PIKFYVE: variants seen among roughly 807,000 people sequenced by gnomAD.
PIKFYVE encodes phosphoinositide kinase, FYVE-type zinc finger containing, also known as 1-phosphatidylinositol 3-phosphate 5-kinase.
PIKFYVE carries 122 observed loss-of-function variants against 257.9 expected under a neutral mutation model. That is an observed-to-expected ratio of 0.47 (90% confidence interval 0.41 to 0.55). The LOEUF is 0.55. Ranked by LOEUF, PIKFYVE falls within the 20% of genes least tolerant of loss-of-function variation. PIKFYVE has a pLI of 0.00. For missense variants in PIKFYVE, 2,160 were observed against 2,536.6 expected (o/e 0.85, Z 3.19); for synonymous variants, 892 against 868.9 (o/e 1.03, Z -0.47).
In PIKFYVE at chr2:208,339,558, A is replaced by G. The variant is rs538057140; in HGVS notation, c.4810+3A>G. The G allele has an allele frequency of 2.8e-5, 45 of 1,614,030 alleles. No individual in the cohort carries two copies. In the South Asian group the frequency reaches 4.6e-4, roughly 17 times the overall value. On this transcript the variant is annotated splice_donor_region_variant and intron_variant, in intron 30 of 41. Coordinates refer to ENST00000264380, the MANE Select transcript of PIKFYVE (RefSeq NM_015040.4). Reference sequence around the variant, plus strand: ...AGATACAGCCAGCAGTTCCGAAGGTAGAGGTTAAGTCACTTTTACCATATT... The same window carrying G: ...AGATACAGCCAGCAGTTCCGAAGGTGGAGGTTAAGTCACTTTTACCATATT...
In PIKFYVE at chr2:208,338,497, C is replaced by T; in HGVS notation, c.4612-11C>T. The T allele has an allele frequency of 6.2e-7, 1 of 1,610,352 alleles. No homozygotes were observed. Among genetic ancestry groups the T allele is most frequent in the Non-Finnish European group, 8.5e-7 (1 of 1,176,788 alleles). On this transcript the variant is annotated splice_polypyrimidine_tract_variant and intron_variant, in intron 28 of 41. Transcript: ENST00000264380. ...GTTTTCCATAAGAACAAAGTATTTA[C>T]TTCTCTACAGATAAGTGCGATGGAT...
At chr2:208,283,015 G>A (rs569761913) in intron 5 of PIKFYVE, among the ~76,000 whole-genome samples, 65 of 152,276 alleles carry the variant, frequency 4.3e-4, no homozygotes, top group Middle Eastern at 6.8e-3. Flanking sequence ...GGTAATGCCC[G>A]TTTGTGTATG....
At position 208,304,931 on chromosome 2, in the gene PIKFYVE, C is replaced by T. The variant is rs1487962861; in HGVS notation, c.1554C>T (p.Asn518=). 10 of 1,614,012 alleles carry T rather than the reference C, an allele frequency of 6.2e-6. No homozygotes were observed. Among genetic ancestry groups the T allele is most frequent in the Admixed American group, 3.3e-5 (2 of 59,988 alleles). The change falls in exon 12 of 42, where the codon AAC becomes AAT. Residue 518 remains asparagine (N), a synonymous_variant. Coordinates refer to ENST00000264380, the MANE Select transcript of PIKFYVE (RefSeq NM_015040.4). ...ACTCAGCCGCTTCTATCAGCCTGAA[C>T]GTGGAGCTGGACAACGTGAACTTCC... ...DSDSAASISL[N]VELDNVNFHI...
intron 6 of PIKFYVE, among the ~76,000 whole-genome samples, chr2:208,286,790 G>T (rs1164556200): frequency 6.6e-6 from 1 of 151,796 alleles, no homozygotes; most frequent in East Asian, 1.9e-4. Flanking sequence ...AAAGTGCTGA[G>T]ATTACAGGCA....
Position 208,358,399 on chromosome 2 carries a change from G to GGTT in PIKFYVE, c.*3094_*3095insGTT, listed in dbSNP as rs1553538568. On this transcript the variant is annotated 3_prime_UTR_variant, in exon 42 of 42. Transcript: ENST00000264380. Reference sequence around the variant, plus strand: ...CATCTAGTGCAATGTTTTTGTTTTTGTTTTTTTTTTGGTAACACAGGTGCA... The same window carrying GGTT: ...CATCTAGTGCAATGTTTTTGTTTTTGGTTTTTTTTTTTTGGTAACACAGGTGCA... The GGTT allele has an allele frequency of 6.8e-6, 1 of 147,784 alleles. No homozygotes were observed. The highest frequency in any genetic ancestry group is 1.5e-5 in the Non-Finnish European group (1 of 67,166). 9.2% of individuals were successfully genotyped at this position (147,784 alleles called of 1,614,324 possible). A position where few individuals can be genotyped will look rare whatever the true frequency, so the allele number is the denominator to read the frequency against.
At chr2:208,286,137 A>T (rs1258329135) in intron 6 of PIKFYVE, among the ~76,000 whole-genome samples, 1 of 152,192 alleles carries the variant, frequency 6.6e-6, no homozygotes, top group Non-Finnish European at 1.5e-5. Context: ...TGTAAGCTCC[A>T]TGAGAGGAGA....
At chr2:208,345,289 A>G in intron 33 of PIKFYVE, 95 bp downstream of exon 33, 1 of 1,092,870 alleles carries the variant, frequency 9.2e-7, no homozygotes, top group Non-Finnish European at 1.4e-6. Context: ...TTATCATCAT[A>G]AAAATTTCTA....
chr2:208,339,292 T>G (rs1698473110), intron 29 of PIKFYVE, 126 bp from the exon 30 acceptor site: 1 of 1,100,652 alleles, frequency 9.1e-7, no homozygotes, highest in African/African-American at 1.6e-5. Flanking sequence ...ATGACCTAGA[T>G]GATTTTTAAA....
At position 208,336,159 on chromosome 2, in the gene PIKFYVE, G is replaced by A. The variant is rs764629880; in HGVS notation, c.4479G>A (p.Lys1493=). ...CGGTCTTTGAGTCACTCATTGCCAA[G>A]AAACAAAGTCTCTGTGAAGTGCTGC... ...LQSVFESLIA[K]KQSLCEVLQA... The change falls in exon 27 of 42, where the codon AAG becomes AAA. Residue 1493 remains lysine (K), a synonymous_variant. Transcript: ENST00000264380. 1.2e-6 allele frequency: 2 copies of A among 1,614,078 alleles called. No individual in the cohort carries two copies. The highest frequency in any genetic ancestry group is 4.5e-5 in the East Asian group (2 of 44,860).
intron 23 of PIKFYVE, 126 bp downstream of exon 23, chr2:208,330,820 A>T: frequency 1.0e-6 from 1 of 968,170 alleles, no homozygotes; most frequent in Non-Finnish European, 1.5e-6. Flanking sequence ...TCTATTTGTC[A>T]TTGTTATTTT....
intron 31 of PIKFYVE, 69 bp downstream of exon 31, chr2:208,340,200 T>C (rs1387069995): frequency 7.1e-6 from 11 of 1,552,956 alleles, no homozygotes; most frequent in Non-Finnish European, 2.7e-6. Context: ...GCTTCATATT[T>C]AAATATATTT....
chr2:208,336,804 CATAT>C, intron 27 of PIKFYVE, 30 bp from the exon 28 acceptor site: 2 of 1,398,028 alleles, frequency 1.4e-6, no homozygotes, highest in Non-Finnish European at 2.0e-6. Flanking sequence ...AGAAACAAAC[CATAT>C]ATATATATAT....
chr2:208,326,168 T>G lies in PIKFYVE; in HGVS notation c.3357T>G (p.Ser1119Arg). ...DLSGLQGMNG[S>R]IQAKSIQVLP... ...CTGGACTTCAGGGCATGAATGGAAG[T>G]ATTCAGGCCAAGTCTATTCAAGTCT... Residue 1119 changes from serine to arginine, a missense_variant, in exon 20 of 42, where the codon AGT becomes AGG. Transcript: ENST00000264380. 1 of 1,613,556 alleles carries G rather than the reference T, an allele frequency of 6.2e-7. No individual in the cohort carries two copies. Among genetic ancestry groups the G allele is most frequent in the Non-Finnish European group, 8.5e-7 (1 of 1,179,792 alleles).
intron 1 of PIKFYVE, among the ~76,000 whole-genome samples, chr2:208,267,502 GTTTTTTT>G (rs376773052): frequency 9.2e-6 from 1 of 109,132 alleles, no homozygotes; most frequent in Non-Finnish European, 1.7e-5. Context: ...TACATTGCCA[GTTTTTTT>G]TTTTTTTTTT....
intron 3 of PIKFYVE, among the ~76,000 whole-genome samples, chr2:208,275,043 CTTGA>C (rs1245398041): frequency 3.3e-5 from 5 of 152,274 alleles, no homozygotes; most frequent in Admixed American, 2.0e-4. Flanking sequence ...CTCAAGTCTG[CTTGA>C]TTATTTGATT....
In PIKFYVE at chr2:208,335,793, A is replaced by G; in HGVS notation, c.4257A>G (p.Lys1419=). The change falls in exon 26 of 42, where the codon AAA becomes AAG. Residue 1419 remains lysine, a splice_region_variant and synonymous_variant. Transcript: ENST00000264380. The stretch of plus-strand genomic sequence containing the variant: ...TGTTTAATGCTCTCGCTATTGTTAG[A>G]GTTTCACAGGTATATGTTGCCATTG... ...LLQDLKDFFQ[K]VSQVYVAIDE... 2 of 1,605,900 alleles carry G rather than the reference A, an allele frequency of 1.2e-6. No individual in the cohort carries two copies. Among genetic ancestry groups the G allele is most frequent in the Non-Finnish European group, 1.7e-6 (2 of 1,172,886 alleles).
At chr2:208,316,027 C>G in intron 15 of PIKFYVE, among the ~76,000 whole-genome samples, 1 of 105,504 alleles carries the variant, frequency 9.5e-6, no homozygotes, top group African/African-American at 3.6e-5. Flanking sequence ...CCTCACCCCT[C>G]CCCCCACCCC....
intron 12 of PIKFYVE, among the ~76,000 whole-genome samples, chr2:208,307,021 C>T (rs1316325857): frequency 6.6e-6 from 1 of 152,164 alleles, no homozygotes; most frequent in African/African-American, 2.4e-5. Context: ...CCAAGTGATT[C>T]ACCTGCCTTA....
chr2:208,336,276 T>A, intron 27 of PIKFYVE, 76 bp downstream of exon 27: 1 of 1,539,362 alleles, frequency 6.5e-7, no homozygotes, highest in Non-Finnish European at 9.0e-7. Context: ...AACTTAAAAA[T>A]TTTTAATTAT....
Sources: gnomAD v4.1 joint callset for allele counts (sites outside exome capture counted in the v4.1 genomes callset) on GRCh38, gnomAD v4.1.1 for gene constraint, MANE v1.5 for transcripts, NCBI Gene and HGNC (gene_info 2026-07-23, HGNC 2026-07-21) for gene names.